Variants in SYNE1 observed in about 807,000 individuals in gnomAD.
The protein encoded by SYNE1 is nesprin-1.
In SYNE1, 616 loss-of-function variants were observed where a neutral mutation model predicts 1,111.0. The ratio of observed to expected loss-of-function variants is 0.55; its 90% CI spans 0.52 to 0.59. The LOEUF (loss-of-function observed/expected upper bound fraction) is 0.59, where lower values mean the gene tolerates loss of function less well. Among genes scored for constraint, SYNE1 ranks in the 20% least tolerant of loss-of-function variants. The pLI, the probability that SYNE1 is intolerant of heterozygous loss-of-function variation, is 0.00. For synonymous variants in SYNE1, 3,855 were observed against 3,825.8 expected, an observed-to-expected ratio of 1.01 and a Z score of -0.28; for missense variants, 10,006 against 10,417.0, an observed-to-expected ratio of 0.96 and a Z score of 1.72.
chr6:152,297,958 A>T (rs2094969257), intron 93 of SYNE1, among the ~76,000 whole-genome samples: 1 of 152,186 alleles, frequency 6.6e-6, no homozygotes, highest in African/African-American at 2.4e-5. Flanking sequence ...AATTAAAATA[A>T]ATCACTCAGT....
intron 135 of SYNE1, among the ~76,000 whole-genome samples, chr6:152,150,813 T>G (rs1350726676): frequency 6.6e-6 from 1 of 152,204 alleles, no homozygotes; most frequent in Non-Finnish European, 1.5e-5. Flanking sequence ...ATGCAGACTA[T>G]GAGGAATGAA....
chr6:152,310,108 T>C, intron 89 of SYNE1, 91 bp from the exon 90 acceptor site: 1 of 1,417,258 alleles, frequency 7.1e-7, no homozygotes, highest in Admixed American at 2.3e-5. Context: ...CGTTGCAAGT[T>C]ATAAACATTT....
rs537421857 is a variant in SYNE1 at position 152,422,603 on chromosome 6, A to G, written c.5267+2778T>C. Among the ~76,000 whole-genome samples the G allele has an allele frequency of 9.9e-5, 15 of 152,228 alleles. No homozygotes were observed. The East Asian group carries it at 2.9e-3, about 29-fold the overall frequency. ...TTGTAACTTCAAACTCCTGGGCTCA[A>G]GCAATCCTCCTGCCTCAGCTTTCTG... is the stretch of plus-strand genomic sequence containing the variant. On this transcript the variant is annotated intron_variant, in intron 39 of 145. Transcript: ENST00000367255.
intron 3 of SYNE1, among the ~76,000 whole-genome samples, chr6:152,613,348 A>C (rs927301835): frequency 1.3e-5 from 2 of 152,206 alleles, no homozygotes; most frequent in African/African-American, 2.4e-5. Flanking sequence ...ATTCCTATAA[A>C]CCAACAACAG....
In SYNE1 at chr6:152,321,262, C is replaced by G. The variant is rs150928921; in HGVS notation, c.16212G>C (p.Ala5404=). 6.2e-7 allele frequency: 1 copy of G among 1,613,628 alleles called. No homozygotes were observed. The highest frequency in any genetic ancestry group is 8.5e-7 in the Non-Finnish European group (1 of 1,179,874). Reference sequence around the variant, plus strand: ...CCTGATCTCGGATCTTTAGATCTAACGCCACTTCAGCCAACTGAAGGGAGA... The same window carrying G: ...CCTGATCTCGGATCTTTAGATCTAAGGCCACTTCAGCCAACTGAAGGGAGA... The part of the protein sequence containing the change: ...SELSLQLAEV[A]LDLKIRDQIQ... The change falls in exon 84 of 146, where the codon GCG becomes GCC. Residue 5404 remains alanine, a synonymous_variant. Coordinates refer to ENST00000367255, the MANE Select transcript of SYNE1 (RefSeq NM_182961.4).
At chr6:152,272,507 G>A (rs1218802068) in intron 98 of SYNE1, among the ~76,000 whole-genome samples, 1 of 152,100 alleles carries the variant, frequency 6.6e-6, no homozygotes, top group Non-Finnish European at 1.5e-5. Flanking sequence ...TATTTTATGG[G>A]GCAATCTCTC....
At chr6:152,613,993 G>T (rs2099639127) in intron 3 of SYNE1, among the ~76,000 whole-genome samples, 2 of 152,186 alleles carry the variant, frequency 1.3e-5, no homozygotes, top group South Asian at 4.1e-4. Flanking sequence ...ATTCAAGATG[G>T]ATTATAGACT....
Position 152,391,464 on chromosome 6 carries a change from T to A in SYNE1, c.7817A>T (p.Gln2606Leu). 1 of 1,613,702 alleles carries A rather than the reference T, an allele frequency of 6.2e-7. No individual in the cohort carries two copies. The highest frequency in any genetic ancestry group is 8.5e-7 in the Non-Finnish European group (1 of 1,179,942). ...CTCTTTGGTCATTCTAAGTAGGTTC[T>A]GGTGGCTTGTGAGGAGCTGGGAACA... ...RLCSQLLTSH[Q>L]NLLRMTKEKL... The change falls in exon 52 of 146, where the codon CAG (glutamine) becomes CTG (leucine). Residue 2606 changes from glutamine to leucine, a missense_variant. Physicochemically the swap from Gln to Leu is moderately radical, Grantham distance 113 (BLOSUM62 -2). Around this residue, in one of 7 missense-constraint regions of SYNE1, gnomAD observed 4,955 missense variants for 5,017.2 expected, o/e 0.99. Coordinates refer to ENST00000367255, the MANE Select transcript of SYNE1 (RefSeq NM_182961.4).
At chr6:152,479,216 G>A (rs1036940986) in intron 14 of SYNE1, among the ~76,000 whole-genome samples, 2 of 152,070 alleles carry the variant, frequency 1.3e-5, no homozygotes, top group African/African-American at 4.8e-5. Flanking sequence ...AACCTGAGAG[G>A]TCATGATATT....
In SYNE1 at chr6:152,211,304, A is replaced by T. The variant is rs17082343; in HGVS notation, c.22589+190T>A. On this transcript the variant is annotated intron_variant, in intron 124 of 145. Transcript: ENST00000367255. ...TATGCCCTTCATATAATATAATAGCAGCTCTCCAAAAAAGATTCAATACTC... is the reference window on the plus strand; with the variant it reads ...TATGCCCTTCATATAATATAATAGCTGCTCTCCAAAAAAGATTCAATACTC... Among the ~76,000 whole-genome samples the T allele has an allele frequency of 6.6e-3, 1,011 of 152,254 alleles. 35 individuals carry two copies. In the South Asian group the frequency reaches 0.084, roughly 13 times the overall value.
At chr6:152,634,320 TA>T (rs1352575696) in intron 2 of SYNE1, among the ~76,000 whole-genome samples, 1 of 152,214 alleles carries the variant, frequency 6.6e-6, no homozygotes. Flanking sequence ...AGATATTAAT[TA>T]AATGTCTAAA....
In SYNE1 at chr6:152,221,524, G is replaced by C. The variant is rs747472370; in HGVS notation, c.21558C>G (p.Ser7186Arg). ...LQDDLEKQER[S>R]LQKFGSITNQ... is the part of the protein sequence containing the mutation. The stretch of plus-strand genomic sequence containing the variant: ...TGGTGATAGAGCCAAATTTCTGTAA[G>C]CTCCTTTCCTGTTTTTCCAGATCAT... The change falls in exon 118 of 146, where the codon AGC becomes AGG. Residue 7186 changes from serine to arginine, a missense_variant. Ser to Arg is a moderately radical substitution (Grantham distance 110). Transcript: ENST00000367255. 3 of 1,613,736 alleles carry C rather than the reference G, an allele frequency of 1.9e-6. No homozygotes were observed. Among genetic ancestry groups the C allele is most frequent in the Non-Finnish European group, 1.7e-6 (2 of 1,179,936 alleles).
At chr6:152,233,018 A>G (rs2083143320) in intron 112 of SYNE1, among the ~76,000 whole-genome samples, 1 of 152,214 alleles carries the variant, frequency 6.6e-6, no homozygotes, top group South Asian at 2.1e-4. Context: ...AGTGTCAAAG[A>G]GAGATAAAGA....
chr6:152,592,955 C>A (rs1299602719), intron 3 of SYNE1, among the ~76,000 whole-genome samples: 1 of 151,322 alleles, frequency 6.6e-6, no homozygotes, highest in East Asian at 1.9e-4. Context: ...GCAGTTCCCA[C>A]CTGAGCTCCT....
intron 85 of SYNE1, 27 bp downstream of exon 85, chr6:152,318,836 A>G: frequency 6.2e-7 from 1 of 1,613,450 alleles, no homozygotes; most frequent in Non-Finnish European, 8.5e-7. Context: ...TTCATTCAGT[A>G]GTACCCTTTA....
At chr6:152,445,201 T>C (rs542514721) in intron 29 of SYNE1, among the ~76,000 whole-genome samples, 1 of 152,086 alleles carries the variant, frequency 6.6e-6, no homozygotes, top group South Asian at 2.1e-4. Flanking sequence ...AACCTAATTA[T>C]AAAAGTGCCT....
At chr6:152,485,745 T>TG (rs1348969286) in intron 12 of SYNE1, among the ~76,000 whole-genome samples, 1 of 152,148 alleles carries the variant, frequency 6.6e-6, no homozygotes, top group African/African-American at 2.4e-5. Context: ...TACAGGAGAA[T>TG]GGCCCCACAA....
chr6:152,384,486 A>G (rs1339977509), intron 55 of SYNE1, among the ~76,000 whole-genome samples: 1 of 152,234 alleles, frequency 6.6e-6, no homozygotes, highest in Admixed American at 6.5e-5. Flanking sequence ...AACACACAAA[A>G]AAAGGACTTA....
intron 3 of SYNE1, among the ~76,000 whole-genome samples, chr6:152,603,741 T>A (rs975088061): frequency 2.1e-4 from 31 of 150,076 alleles, no homozygotes; most frequent in Admixed American, 1.1e-3. Context: ...TATATGTGGA[T>A]TATTTAAGCC....
Sources: allele counts gnomAD v4.1 joint callset (sites outside exome capture counted in the v4.1 genomes callset), GRCh38; gene constraint gnomAD v4.1.1; regional missense constraint gnomAD v4.1.1; transcripts MANE v1.5; gene names NCBI Gene and HGNC (gene_info 2026-07-23, HGNC 2026-07-21).